IRAK1BP1: variants seen among roughly 807,000 people sequenced by gnomAD.
IRAK1BP1 encodes interleukin-1 receptor-associated kinase 1-binding protein 1.
In IRAK1BP1, 24 loss-of-function variants were observed where a neutral mutation model predicts 28.0. The ratio of observed to expected loss-of-function variants is 0.86; its 90% confidence interval spans 0.62 to 1.20. The LOEUF is 1.20. Among genes scored for constraint, IRAK1BP1 ranks in the 50% most tolerant of loss-of-function variants. IRAK1BP1 has a pLI of 0.00. For missense variants in IRAK1BP1, 336 were observed against 316.7 expected, an observed-to-expected ratio of 1.06 and a Z score of -0.46; for synonymous variants, 131 against 116.3, an observed-to-expected ratio of 1.13 and a Z score of -0.81.
At chr6:78,921,285 C>G (rs1417140757) in intron 4 of IRAK1BP1, among the ~76,000 whole-genome samples, 1 of 152,224 alleles carries the variant, frequency 6.6e-6, no homozygotes, top group Non-Finnish European at 1.5e-5. Context: ...GTATCCCACC[C>G]CTGGCTTGGA....
chr6:78,918,336 A>G (rs867500549), intron 4 of IRAK1BP1, among the ~76,000 whole-genome samples: 22 of 152,156 alleles, frequency 1.4e-4, no homozygotes, highest in African/African-American at 5.3e-4. Flanking sequence ...TTAACCCAGT[A>G]TACACGTATC....
the IRAK1BP1 span, among the ~76,000 whole-genome samples, chr6:78,979,093 T>C: frequency 6.6e-6 from 1 of 152,122 alleles, no homozygotes; most frequent in Non-Finnish European, 1.5e-5. Flanking sequence ...TGCCATTTTT[T>C]ATAAGAGACT....
At chr6:78,974,535 A>G in the IRAK1BP1 span, among the ~76,000 whole-genome samples, 5 of 152,084 alleles carry the variant, frequency 3.3e-5, no homozygotes, top group African/African-American at 1.2e-4. Flanking sequence ...TCAGAGCAGA[A>G]CTGAAGGAAA....
At chr6:78,908,346 G>A (rs940085248) in intron 4 of IRAK1BP1, among the ~76,000 whole-genome samples, 12 of 151,714 alleles carry the variant, frequency 7.9e-5, no homozygotes, top group Non-Finnish European at 1.2e-4. Flanking sequence ...CACCACACTC[G>A]GCCATTATTT....
At chr6:78,933,026 G>A (rs1277784739) in intron 4 of IRAK1BP1, among the ~76,000 whole-genome samples, 2 of 152,066 alleles carry the variant, frequency 1.3e-5, no homozygotes, top group African/African-American at 2.4e-5. Context: ...GCATGGTAGG[G>A]TAGATTTAAT....
the IRAK1BP1 span, among the ~76,000 whole-genome samples, chr6:78,951,781 T>C: frequency 2.0e-5 from 3 of 152,354 alleles, no homozygotes; most frequent in Non-Finnish European, 4.4e-5. Flanking sequence ...ACTTTCTTTA[T>C]ATAAAAATTC....
intron 1 of IRAK1BP1, among the ~76,000 whole-genome samples, chr6:78,868,288 C>G (rs1770661493): frequency 6.6e-6 from 1 of 152,100 alleles, no homozygotes; most frequent in African/African-American, 2.4e-5. Flanking sequence ...TATTCCGCAC[C>G]ATGGAATTGG....
intron 2 of IRAK1BP1, among the ~76,000 whole-genome samples, chr6:78,893,312 G>GTTTATATATATA (rs1188973498): frequency 1.6e-5 from 1 of 64,190 alleles, no homozygotes. Flanking sequence ...GTGTGTGTGT[G>GTTTATATATATA]TGTATATATA....
At chr6:78,941,605 A>G (rs1773505811) in intron 4 of IRAK1BP1, among the ~76,000 whole-genome samples, 1 of 152,204 alleles carries the variant, frequency 6.6e-6, no homozygotes. Flanking sequence ...TTGAGTATAA[A>G]GCTGGGATGA....
intron 4 of IRAK1BP1, among the ~76,000 whole-genome samples, chr6:78,928,094 T>C (rs1772940703): frequency 6.6e-6 from 1 of 151,790 alleles, no homozygotes; most frequent in African/African-American, 2.4e-5. Flanking sequence ...TATTTTGATA[T>C]CTGTAGATTC....
chr6:78,961,922 T>G, the IRAK1BP1 span: 24 of 750,950 alleles, frequency 3.2e-5, no homozygotes, highest in African/African-American at 3.6e-4. Flanking sequence ...ATCATTAGTC[T>G]GCCACTGTCT....
At chr6:78,895,033 G>A (rs552426154) in intron 2 of IRAK1BP1, among the ~76,000 whole-genome samples, 6 of 151,872 alleles carry the variant, frequency 4.0e-5, no homozygotes, top group Non-Finnish European at 7.4e-5. Flanking sequence ...GCTTGAACCC[G>A]GGAGGTAGAG....
At chr6:78,893,453 C>G (rs1005743146) in intron 2 of IRAK1BP1, among the ~76,000 whole-genome samples, 1 of 150,734 alleles carries the variant, frequency 6.6e-6, no homozygotes, top group African/African-American at 2.4e-5. Flanking sequence ...ACCTGTAGAC[C>G]TACACTATGA....
At chr6:78,911,815 A>G (rs1772430457) in intron 4 of IRAK1BP1, among the ~76,000 whole-genome samples, 1 of 152,204 alleles carries the variant, frequency 6.6e-6, no homozygotes, top group Non-Finnish European at 1.5e-5. Flanking sequence ...TTTACAAGCG[A>G]GCATATAGAG....
Position 78,902,933 on chromosome 6 carries a change from A to G in IRAK1BP1, c.*4599A>G. On this transcript the variant is annotated 3_prime_UTR_variant, in exon 4 of 4. Coordinates refer to ENST00000369940, the MANE Select transcript of IRAK1BP1 (RefSeq NM_001010844.4). ...AATCTTTCAAGAAGGATTGTTTTCT[A>G]CTATTAAAACAATAAAACTCTTATA... is the stretch of plus-strand genomic sequence containing the variant. 1.2e-6 allele frequency: 1 copy of G among 835,746 alleles called. No individual in the cohort carries two copies. The highest frequency in any genetic ancestry group is 1.9e-6 in the Non-Finnish European group (1 of 529,286). 51.8% of individuals were successfully genotyped at this position (835,746 alleles called of 1,614,324 possible). A position where few individuals can be genotyped will look rare whatever the true frequency, so the allele number is the denominator to read the frequency against.
intron 4 of IRAK1BP1, among the ~76,000 whole-genome samples, chr6:78,923,653 A>G (rs1015080564): frequency 8.5e-5 from 13 of 152,204 alleles, no homozygotes; most frequent in African/African-American, 3.1e-4. Flanking sequence ...TCCAAAATTG[A>G]CCACATAGTT....
chr6:78,974,592 G>GT, the IRAK1BP1 span, among the ~76,000 whole-genome samples: 47 of 152,050 alleles, frequency 3.1e-4, 1 homozygote, highest in Non-Finnish European at 4.7e-4. Context: ...CCAGGAGCTG[G>GT]TTTTTTGAAA....
At chr6:78,966,764 TA>T in the IRAK1BP1 span, among the ~76,000 whole-genome samples, 2 of 152,224 alleles carry the variant, frequency 1.3e-5, no homozygotes, top group Non-Finnish European at 2.9e-5. Flanking sequence ...TTCTGTGTCA[TA>T]AGAAAACTGT....
At chr6:78,966,312 CTTG>C in the IRAK1BP1 span, among the ~76,000 whole-genome samples, 2 of 152,212 alleles carry the variant, frequency 1.3e-5, no homozygotes, top group Non-Finnish European at 2.9e-5. Flanking sequence ...CAGAAATTCA[CTTG>C]TTTTAGGCAT....
Sources: gnomAD v4.1 joint callset for allele counts (sites outside exome capture counted in the v4.1 genomes callset) on GRCh38, gnomAD v4.1.1 for gene constraint, MANE v1.5 for transcripts, NCBI Gene and HGNC (gene_info 2026-07-23, HGNC 2026-07-21) for gene names.